MACROD2: variants seen among roughly 807,000 people sequenced by gnomAD.
MACROD2 encodes the protein mono-ADP ribosylhydrolase 2.
A neutral mutation model predicts 70.4 loss-of-function variants in MACROD2; 36 were observed. The ratio of observed to expected loss-of-function variants is 0.51; its 90% CI spans 0.39 to 0.68. MACROD2 has a LOEUF of 0.68. MACROD2 is among the 30% of genes least tolerant of loss of function. MACROD2 has a pLI of 0.00. For synonymous variants in MACROD2, 172 were observed against 178.8 expected (o/e 0.96, Z 0.30); for missense variants, 496 against 538.4 (o/e 0.92, Z 0.78).
chr20:14,583,782 A>T (rs188251081), intron 4 of MACROD2, among the ~76,000 whole-genome samples: 5 of 152,350 alleles, frequency 3.3e-5, no homozygotes, highest in African/African-American at 1.2e-4. Context: ...TAAGAGATAG[A>T]CAAATATAAA....
Position 14,548,120 on chromosome 20 carries a change from G to T in MACROD2, c.301+54612G>T, listed in dbSNP as rs927073553. Among the ~76,000 whole-genome samples, 8 of 152,304 alleles carry T rather than the reference G, an allele frequency of 5.3e-5. No homozygotes were observed. In the East Asian group the frequency reaches 7.7e-4, roughly 15 times the overall value. The stretch of plus-strand genomic sequence containing the variant: ...CGCAAAGGGGCTTGTGTAAAAAATT[G>T]GAGGAATTATTGGGGCCATATTTGG... On this transcript the variant is annotated intron_variant, in intron 4 of 17. Transcript: ENST00000684519.
chr20:14,603,372 A>T (rs1306129710), intron 4 of MACROD2, among the ~76,000 whole-genome samples: 3 of 152,174 alleles, frequency 2.0e-5, no homozygotes, highest in Non-Finnish European at 1.5e-5. Context: ...ATAGCCTGTA[A>T]CAGGGCTGGC....
intron 3 of MACROD2, among the ~76,000 whole-genome samples, chr20:14,460,503 T>C (rs2084355937): frequency 6.6e-6 from 1 of 152,136 alleles, no homozygotes; most frequent in African/African-American, 2.4e-5. Context: ...TTCATATGTT[T>C]GTTGGCCGCA....
Position 14,584,610 on chromosome 20 carries a change from C to T in MACROD2, c.301+91102C>T, listed in dbSNP as rs932802638. Among the ~76,000 whole-genome samples the T allele has an allele frequency of 4.6e-5, 7 of 152,094 alleles. No homozygotes were observed. The East Asian group carries it at 5.8e-4, about 13-fold the overall frequency. On this transcript the variant is annotated intron_variant, in intron 4 of 17. Coordinates refer to ENST00000684519, the MANE Select transcript of MACROD2 (RefSeq NM_001351661.2). Reference sequence around the variant, plus strand: ...TTATGACTAAATTACCTCCCAAAGGCCCCACTTCCAAATACCATCACATAT... The same window carrying T: ...TTATGACTAAATTACCTCCCAAAGGTCCCACTTCCAAATACCATCACATAT...
At chr20:15,152,679 C>T (rs1024346379) in intron 5 of MACROD2, among the ~76,000 whole-genome samples, 4 of 151,748 alleles carry the variant, frequency 2.6e-5, no homozygotes, top group African/African-American at 7.3e-5. Flanking sequence ...GCCCCTCCCC[C>T]AGAAAAGTGG....
intron 7 of MACROD2, among the ~76,000 whole-genome samples, chr20:15,463,062 A>T (rs1370601078): frequency 6.6e-6 from 1 of 152,238 alleles, no homozygotes; most frequent in African/African-American, 2.4e-5. Context: ...CATGCTATTC[A>T]TGATAAAAGC....
chr20:15,896,310 G>A lies in MACROD2; in HGVS notation c.775+10499G>A, dbSNP rs1327500127. On this transcript the variant is annotated intron_variant, in intron 10 of 17. Transcript: ENST00000684519. ...ACTTCCCACCCTCACAGGTACTACT[G>A]ATTTCCACCTTTTAACTGATAATGC... 2.0e-5 allele frequency among the ~76,000 whole-genome samples: 3 copies of A among 152,040 alleles called. No individual in the cohort carries two copies. In the East Asian group the frequency reaches 5.8e-4, roughly 29 times the overall value.
chr20:15,061,032 A>G (rs557725684), intron 5 of MACROD2, among the ~76,000 whole-genome samples: 6 of 152,320 alleles, frequency 3.9e-5, no homozygotes, highest in East Asian at 1.9e-4. Context: ...AGTTAATTCA[A>G]TAAAAGTCAA....
intron 8 of MACROD2, among the ~76,000 whole-genome samples, chr20:15,538,020 A>G (rs905836026): frequency 1.3e-5 from 2 of 152,198 alleles, no homozygotes; most frequent in Non-Finnish European, 2.9e-5. Flanking sequence ...AAATGTTTTG[A>G]GCAGGGAATA....
chr20:15,043,059 T>C (rs956673353), intron 5 of MACROD2, among the ~76,000 whole-genome samples: 1 of 152,158 alleles, frequency 6.6e-6, no homozygotes, highest in Non-Finnish European at 1.5e-5. Flanking sequence ...CTAAGTCTGC[T>C]TTGCTGTGTC....
At chr20:16,046,495 A>G (rs1023455515) in intron 17 of MACROD2, among the ~76,000 whole-genome samples, 2 of 152,060 alleles carry the variant, frequency 1.3e-5, no homozygotes, top group Admixed American at 1.3e-4. Context: ...TTTTGCTGCC[A>G]ATAAACTATA....
At chr20:15,355,412 T>C (rs1204370034) in intron 6 of MACROD2, among the ~76,000 whole-genome samples, 1 of 152,184 alleles carries the variant, frequency 6.6e-6, no homozygotes, top group Admixed American at 6.5e-5. Flanking sequence ...TAAGGTTGGG[T>C]GGAGGGACCA....
At chr20:15,041,328 C>T (rs1347602672) in intron 5 of MACROD2, among the ~76,000 whole-genome samples, 1 of 152,070 alleles carries the variant, frequency 6.6e-6, no homozygotes, top group Non-Finnish European at 1.5e-5. Context: ...CAATATTGAG[C>T]AAAACTTCAA....
Position 14,326,094 on chromosome 20 carries a change from A to G in MACROD2, c.272-167385A>G. On this transcript the variant is annotated intron_variant, in intron 3 of 17. Transcript: ENST00000684519. The surrounding 1 kb of genome is among the most constrained non-coding windows in gnomAD (Gnocchi z 5.5). ...CCATGCATACTTTATAGGGTGAATC[A>G]GGCTCCAGGGCTGTGACCAAGTACT... 1 of 1,613,924 alleles carries G rather than the reference A, an allele frequency of 6.2e-7. No individual in the cohort carries two copies. Among genetic ancestry groups the G allele is most frequent in the Non-Finnish European group, 8.5e-7 (1 of 1,179,882 alleles).
rs140484669 is a variant in MACROD2, at chr20:15,500,290, G to A, written c.645+443G>A. On this transcript the variant is annotated intron_variant, in intron 8 of 17. Coordinates refer to ENST00000684519, the MANE Select transcript of MACROD2 (RefSeq NM_001351661.2). Reference sequence around the variant, plus strand: ...ATCACTTCCCTAAAGTCACTTCTGAGTGTGAGATTGAAGTGGGCTTGTATA... The same window carrying A: ...ATCACTTCCCTAAAGTCACTTCTGAATGTGAGATTGAAGTGGGCTTGTATA... 5.2e-3 allele frequency among the ~76,000 whole-genome samples: 788 copies of A among 152,300 alleles called. 7 individuals carry two copies. The highest frequency in any genetic ancestry group is 0.018 in the African/African-American group (754 of 41,570).
At chr20:14,043,715 C>T (rs818759) in intron 2 of MACROD2, among the ~76,000 whole-genome samples, 65,213 of 151,904 alleles carry the variant, frequency 0.43, 14,783 homozygotes, top group African/African-American at 0.58. Flanking sequence ...AGTCAGACAA[C>T]GTAGGTCAGA....
intron 8 of MACROD2, among the ~76,000 whole-genome samples, chr20:15,654,762 A>C (rs1289236829): frequency 6.6e-6 from 1 of 152,224 alleles, no homozygotes; most frequent in Non-Finnish European, 1.5e-5. Flanking sequence ...GCAGCAGATC[A>C]CAAATGTCAC....
At chr20:14,634,013 G>C (rs770521085) in intron 4 of MACROD2, among the ~76,000 whole-genome samples, 6 of 152,096 alleles carry the variant, frequency 3.9e-5, no homozygotes, top group Admixed American at 2.0e-4. Flanking sequence ...ATTTTGTAGC[G>C]TTATTTCTGA....
chr20:14,796,071 G>T (rs2072506382), intron 5 of MACROD2, among the ~76,000 whole-genome samples: 2 of 152,090 alleles, frequency 1.3e-5, no homozygotes, highest in African/African-American at 2.4e-5. Flanking sequence ...GTTTTTATGA[G>T]CCTCAGGTGG....
Sources: gnomAD v4.1 joint callset for allele counts (sites outside exome capture counted in the v4.1 genomes callset) on GRCh38, gnomAD v4.1.1 for gene constraint, Gnocchi (gnomAD v3.1) non-coding constraint, MANE v1.5 for transcripts, NCBI Gene and HGNC (gene_info 2026-07-23, HGNC 2026-07-21) for gene names.